RAP1A: variants seen among roughly 807,000 people sequenced by gnomAD.
RAP1A encodes ras-related protein Rap-1A.
Under a neutral mutation model 26.4 loss-of-function variants are expected in RAP1A, and 6 were observed. The observed-to-expected ratio is 0.23, with a 90% CI of 0.12 to 0.45. The LOEUF is 0.45. Among genes scored for constraint, RAP1A ranks in the 20% least tolerant of loss-of-function variants. The pLI, the probability that RAP1A is intolerant of heterozygous loss-of-function variation, is 0.99. For synonymous variants in RAP1A, 73 were observed against 79.4 expected (o/e 0.92, Z 0.43); for missense variants, 121 against 217.2 (o/e 0.56, Z 2.78).
At chr1:111,634,859 G>T (rs188712566) in intron 1 of RAP1A, among the ~76,000 whole-genome samples, 201 of 152,100 alleles carry the variant, frequency 1.3e-3, no homozygotes, top group South Asian at 0.011. Context: ...TGGCCAGGAT[G>T]GTCTCGATCT....
At chr1:111,562,066 A>C (rs1285493499) in intron 1 of RAP1A, among the ~76,000 whole-genome samples, 2 of 151,958 alleles carry the variant, frequency 1.3e-5, no homozygotes, top group African/African-American at 2.4e-5. Flanking sequence ...CAGCCACCCC[A>C]CCCTGTGATT....
At chr1:111,677,863 T>G (rs1035309288) in intron 1 of RAP1A, among the ~76,000 whole-genome samples, 2 of 152,224 alleles carry the variant, frequency 1.3e-5, no homozygotes, top group African/African-American at 4.8e-5. Flanking sequence ...GAGGGAACGA[T>G]ACAAGGTATG....
intron 1 of RAP1A, among the ~76,000 whole-genome samples, chr1:111,633,584 A>T (rs182452520): frequency 6.6e-6 from 1 of 152,242 alleles, no homozygotes; most frequent in East Asian, 1.9e-4. Flanking sequence ...GGACTTTAGT[A>T]TCTCGAAATT....
Position 111,632,518 on chromosome 1 carries a change from A to G in RAP1A, c.-28+12584A>G, listed in dbSNP as rs543704238. ...TGGAAGTTGACGTGCTAGACTGTGG[A>G]AAAGGAATTTATTTTCTCAAAAAAG... On this transcript the variant is annotated intron_variant, in intron 1 of 7. Transcript: ENST00000369709. Among the ~76,000 whole-genome samples the G allele has an allele frequency of 3.3e-5, 5 of 152,316 alleles. No homozygotes were observed. The East Asian group carries it at 7.7e-4, about 24-fold the overall frequency.
At chr1:111,690,195 T>C (rs982031424) in intron 1 of RAP1A, among the ~76,000 whole-genome samples, 1 of 152,160 alleles carries the variant, frequency 6.6e-6, no homozygotes, top group Non-Finnish European at 1.5e-5. Flanking sequence ...TCATTTACTC[T>C]AGAGCTTATT....
intron 7 of RAP1A, among the ~76,000 whole-genome samples, chr1:111,710,140 T>C (rs1662331710): frequency 6.6e-6 from 1 of 150,598 alleles, no homozygotes; most frequent in Admixed American, 6.6e-5. Context: ...AAAATTGATA[T>C]TGTCAGTCTT....
rs752570113 is a variant in RAP1A, at chr1:111,697,473, C to T, written c.159C>T (p.Leu53=). ...QVEVDCQQCM[L]EILDTAGTEQ... is the part of the protein sequence containing the mutation. Reference sequence around the variant, plus strand: ...AAGTCGATTGCCAACAGTGTATGCTCGAAATCCTGGATACTGCAGGGACAG... The same window carrying T: ...AAGTCGATTGCCAACAGTGTATGCTTGAAATCCTGGATACTGCAGGGACAG... Residue 53 remains leucine, a synonymous_variant, in exon 4 of 8, where the codon CTC becomes CTT. Coordinates refer to ENST00000369709, the MANE Select transcript of RAP1A (RefSeq NM_002884.4). 32 of 1,611,472 alleles carry T rather than the reference C, an allele frequency of 2.0e-5. No homozygotes were observed. The highest frequency in any genetic ancestry group is 8.1e-5 in the African/African-American group (6 of 74,220).
At chr1:111,551,951 A>G (rs1416542685) in intron 1 of RAP1A, among the ~76,000 whole-genome samples, 3 of 152,236 alleles carry the variant, frequency 2.0e-5, no homozygotes, top group Admixed American at 2.0e-4. Flanking sequence ...CTCGGCATGC[A>G]CCTGGCCTTC....
intron 1 of RAP1A, among the ~76,000 whole-genome samples, chr1:111,582,003 T>C (rs987554907): frequency 2.0e-5 from 3 of 152,210 alleles, no homozygotes; most frequent in East Asian, 1.9e-4. Flanking sequence ...AGGTCACTCA[T>C]CTAGTGAGAA....
At chr1:111,702,704 G>A (rs1291492654) in intron 4 of RAP1A, among the ~76,000 whole-genome samples, 1 of 151,668 alleles carries the variant, frequency 6.6e-6, no homozygotes, top group Non-Finnish European at 1.5e-5. Context: ...GGGACTACAG[G>A]TGTGCACCAC....
chr1:111,570,040 G>A (rs1442791812), intron 1 of RAP1A, among the ~76,000 whole-genome samples: 2 of 152,160 alleles, frequency 1.3e-5, no homozygotes, highest in East Asian at 1.9e-4. Context: ...GTAGAGAGGG[G>A]AACCTTCTTA....
upstream of RAP1A, among the ~76,000 whole-genome samples, chr1:111,617,026 A>G (rs1659026012): frequency 6.6e-6 from 1 of 152,060 alleles, no homozygotes; most frequent in Admixed American, 6.5e-5. Flanking sequence ...GTGTGTGGGT[A>G]TGCATGTGTG....
chr1:111,620,937 AAC>A (rs1465146034), intron 1 of RAP1A, among the ~76,000 whole-genome samples: 2 of 152,180 alleles, frequency 1.3e-5, no homozygotes, highest in African/African-American at 4.8e-5. Context: ...GAGTTTAGGG[AAC>A]CTTTGACCTC....
intron 1 of RAP1A, 84 bp from the exon 2 acceptor site, chr1:111,691,250 A>G (rs185361962): frequency 1.1e-6 from 1 of 913,784 alleles, no homozygotes; most frequent in African/African-American, 1.7e-5. Context: ...AAAACAAAAC[A>G]AACTCCTATG....
chr1:111,559,348 G>A (rs1324874841), intron 1 of RAP1A, among the ~76,000 whole-genome samples: 1 of 152,072 alleles, frequency 6.6e-6, no homozygotes, highest in African/African-American at 2.4e-5. Context: ...AATGTTTATT[G>A]AACACCCACT....
chr1:111,665,364 A>G (rs1390642759), intron 1 of RAP1A, among the ~76,000 whole-genome samples: 1 of 152,182 alleles, frequency 6.6e-6, no homozygotes, highest in Non-Finnish European at 1.5e-5. Flanking sequence ...TAGAGAGTGA[A>G]TACCTCTATT....
At chr1:111,676,073 G>A (rs1661114427) in intron 1 of RAP1A, among the ~76,000 whole-genome samples, 1 of 152,146 alleles carries the variant, frequency 6.6e-6, no homozygotes, top group Non-Finnish European at 1.5e-5. Flanking sequence ...AATTTAAGGT[G>A]AGGCTGGGTA....
intron 4 of RAP1A, among the ~76,000 whole-genome samples, chr1:111,697,790 ATAT>A (rs1244616678): frequency 6.6e-6 from 1 of 152,084 alleles, no homozygotes; most frequent in African/African-American, 2.4e-5. Context: ...GCTTTAGTTA[ATAT>A]TTGTATTTCT....
intron 1 of RAP1A, among the ~76,000 whole-genome samples, chr1:111,576,923 CACCA>C (rs1466147874): frequency 6.6e-6 from 1 of 152,216 alleles, no homozygotes; most frequent in African/African-American, 2.4e-5. Flanking sequence ...GAATCTGCAT[CACCA>C]AGGCTCTTAC....
Sources: allele counts gnomAD v4.1 joint callset (sites outside exome capture counted in the v4.1 genomes callset), GRCh38; gene constraint gnomAD v4.1.1; transcripts MANE v1.5; gene names NCBI Gene and HGNC (gene_info 2026-07-23, HGNC 2026-07-21).